Variants in MCU observed in about 807,000 individuals in gnomAD.
MCU encodes mitochondrial calcium uniporter.
A neutral mutation model predicts 45.2 loss-of-function variants in MCU; 12 were observed. That is an observed-to-expected ratio of 0.27 (90% CI 0.17 to 0.43). The LOEUF is 0.43. MCU is among the 20% of genes least tolerant of loss of function. The pLI is 1.00. For synonymous variants in MCU, 160 were observed against 165.1 expected (o/e 0.97, Z 0.24); for missense variants, 324 against 436.7 (o/e 0.74, Z 2.30).
At chr10:72,875,997 A>G (rs543194795) in intron 6 of MCU, among the ~76,000 whole-genome samples, 1 of 152,100 alleles carries the variant, frequency 6.6e-6, no homozygotes, top group African/African-American at 2.4e-5. Context: ...AGTATATTAA[A>G]CCTCCTGTGG....
At chr10:72,714,924 C>T (rs1384975815) in intron 1 of MCU, among the ~76,000 whole-genome samples, 2 of 152,146 alleles carry the variant, frequency 1.3e-5, no homozygotes, top group Non-Finnish European at 2.9e-5. Context: ...TAGGTTACAA[C>T]TAATTTTTTT....
At chr10:72,792,164 G>A (rs1311967334) in intron 1 of MCU, among the ~76,000 whole-genome samples, 1 of 152,186 alleles carries the variant, frequency 6.6e-6, no homozygotes, top group Non-Finnish European at 1.5e-5. Context: ...AAGGAGGACC[G>A]GGCAGCTAAT....
chr10:72,843,323 T>C (rs868790950), intron 2 of MCU, among the ~76,000 whole-genome samples: 2 of 152,202 alleles, frequency 1.3e-5, no homozygotes, highest in Admixed American at 6.6e-5. Context: ...CCCTTCTCCC[T>C]AACTCCTGGC....
chr10:72,774,801 A>G (rs865919563), intron 1 of MCU, among the ~76,000 whole-genome samples: 12 of 152,160 alleles, frequency 7.9e-5, no homozygotes, highest in African/African-American at 2.9e-4. Flanking sequence ...AGAAACAAAG[A>G]AGGGCACCAT....
chr10:72,842,402 C>G (rs1235979663), intron 2 of MCU, among the ~76,000 whole-genome samples: 3 of 152,098 alleles, frequency 2.0e-5, no homozygotes, highest in Non-Finnish European at 4.4e-5. Context: ...TCTTAGTTTC[C>G]TTGCACAAGC....
chr10:72,825,777 C>T (rs1233047390), intron 1 of MCU, among the ~76,000 whole-genome samples: 1 of 152,070 alleles, frequency 6.6e-6, no homozygotes, highest in Non-Finnish European at 1.5e-5. Context: ...TCTTGTGTGT[C>T]AGGAAATAAT....
At position 72,842,698 on chromosome 10, in the gene MCU, A is replaced by C. The variant is rs375531142; in HGVS notation, c.220+8270A>C. 5.3e-5 allele frequency among the ~76,000 whole-genome samples: 8 copies of C among 152,058 alleles called. No homozygotes were observed. In the South Asian group the frequency reaches 1.7e-3, roughly 32 times the overall value. ...TCTTTTTAAAAACCAGGAAATGGCCATTAATTTTGGTTCAAAACTGAGGGA... is the reference window on the plus strand; with the variant it reads ...TCTTTTTAAAAACCAGGAAATGGCCCTTAATTTTGGTTCAAAACTGAGGGA... On this transcript the variant is annotated intron_variant, in intron 2 of 7. Coordinates refer to ENST00000373053, the MANE Select transcript of MCU (RefSeq NM_138357.3).
At chr10:72,700,058 A>ATTT (rs71021525) in intron 1 of MCU, among the ~76,000 whole-genome samples, 2,637 of 135,322 alleles carry the variant, frequency 0.019, 73 homozygotes, top group Middle Eastern at 0.037. Context: ...TTGGGGTCAA[A>ATTT]TTTTTTTTTT....
chr10:72,834,242 T>C, intron 1 of MCU, 117 bp from the exon 2 acceptor site: 1 of 591,192 alleles, frequency 1.7e-6, no homozygotes, highest in Admixed American at 3.6e-5. Flanking sequence ...TTTAAAGTTT[T>C]CTACAAAGCA....
intron 1 of MCU, among the ~76,000 whole-genome samples, chr10:72,745,873 C>T (rs1020990665): frequency 6.6e-6 from 1 of 151,996 alleles, no homozygotes; most frequent in African/African-American, 2.4e-5. Flanking sequence ...ATAAAATATA[C>T]CATTTTAATA....
intron 1 of MCU, among the ~76,000 whole-genome samples, chr10:72,778,170 C>G (rs1171982947): frequency 1.3e-5 from 2 of 152,272 alleles, no homozygotes; most frequent in East Asian, 3.9e-4. Flanking sequence ...AATTTCACTA[C>G]TGGGTATATA....
chr10:72,878,727 A>G (rs1845654305), intron 6 of MCU, among the ~76,000 whole-genome samples: 1 of 152,202 alleles, frequency 6.6e-6, no homozygotes, highest in East Asian at 1.9e-4. Context: ...AAGGCACAAG[A>G]AACTATTCAA....
rs76491517 is a variant in MCU at position 72,869,635 on chromosome 10, C to A, written c.657+772C>A. ...CAACAACAAAATAACAATACAACAA[C>A]AAAAAAATACAAATTTTAAAAATCA... On this transcript the variant is annotated intron_variant, in intron 5 of 7. Coordinates refer to ENST00000373053, the MANE Select transcript of MCU (RefSeq NM_138357.3). Among the ~76,000 whole-genome samples the A allele has an allele frequency of 7.3e-3, 1,102 of 151,922 alleles. 11 individuals carry two copies. The highest frequency in any genetic ancestry group is 0.011 in the Non-Finnish European group (775 of 67,914).
At chr10:72,729,341 G>C (rs1050263294) in intron 1 of MCU, among the ~76,000 whole-genome samples, 5 of 152,078 alleles carry the variant, frequency 3.3e-5, no homozygotes, top group African/African-American at 1.2e-4. Context: ...ATGGTGGCAT[G>C]TGCCTGTAAT....
Position 72,868,831 on chromosome 10 carries a change from G to T in MCU, c.625G>T (p.Asp209Tyr). Residue 209 changes from aspartate to tyrosine, a missense_variant, in exon 5 of 8, where the codon GAT becomes TAT. Around this residue, in one of 4 missense-constraint regions of MCU, gnomAD observed 135 missense variants for 207.3 expected, o/e 0.65. Transcript: ENST00000373053. ...AAGGGAGCTTATTGAAAGACTAGAG[G>T]ATCTCAAAGAGCAGCTGGCTCCCCT... The part of the protein sequence containing the change: ...KERELIERLE[D>Y]LKEQLAPLEK... The T allele has an allele frequency of 6.2e-7, 1 of 1,614,048 alleles. No homozygotes were observed. Among genetic ancestry groups the T allele is most frequent in the Non-Finnish European group, 8.5e-7 (1 of 1,179,996 alleles).
intron 2 of MCU, among the ~76,000 whole-genome samples, chr10:72,858,299 G>A (rs747442864): frequency 9.2e-5 from 14 of 152,164 alleles, no homozygotes; most frequent in African/African-American, 2.7e-4. Context: ...AAATGGCTGC[G>A]TCAGCATGAT....
At chr10:72,728,242 A>T (rs1232757588) in intron 1 of MCU, among the ~76,000 whole-genome samples, 3 of 152,194 alleles carry the variant, frequency 2.0e-5, no homozygotes, top group Admixed American at 6.5e-5. Flanking sequence ...GGCATAATAT[A>T]GGTCAATTAC....
intron 1 of MCU, among the ~76,000 whole-genome samples, chr10:72,803,299 G>A (rs759751768): frequency 6.6e-6 from 1 of 150,864 alleles, no homozygotes; most frequent in African/African-American, 2.4e-5. Context: ...CATCCAGTTG[G>A]CTCTCATTTT....
At chr10:72,731,622 T>G (rs547818792) in intron 1 of MCU, among the ~76,000 whole-genome samples, 3 of 152,294 alleles carry the variant, frequency 2.0e-5, no homozygotes, top group African/African-American at 7.2e-5. Flanking sequence ...TCACTGTCTA[T>G]TCCCCTCTAC....
Sources: allele counts gnomAD v4.1 joint callset (sites outside exome capture counted in the v4.1 genomes callset), GRCh38; gene constraint gnomAD v4.1.1; regional missense constraint gnomAD v4.1.1; transcripts MANE v1.5; gene names NCBI Gene and HGNC (gene_info 2026-07-23, HGNC 2026-07-21).